Variants in DAB1 observed in about 807,000 individuals in gnomAD.
The protein encoded by DAB1 is DAB adaptor protein 1, also known as disabled homolog 1.
DAB1 carries 15 observed loss-of-function variants against 64.6 expected under a neutral mutation model. The ratio of observed to expected loss-of-function variants is 0.23; its 90% CI spans 0.16 to 0.36. The LOEUF is 0.36. Among genes scored for constraint, DAB1 ranks in the 10% least tolerant of loss-of-function variants. The probability of loss-of-function intolerance (pLI) is 1.00; values close to 1 mark genes in which losing one functional copy is unlikely to be tolerated. For missense variants in DAB1, 596 were observed against 706.7 expected (o/e 0.84, Z 1.78); for synonymous variants, 235 against 251.9 (o/e 0.93, Z 0.64).
chr1:57,633,139 T>A (rs983845952), intron 7 of DAB1, among the ~76,000 whole-genome samples: 2 of 152,222 alleles, frequency 1.3e-5, no homozygotes, highest in Non-Finnish European at 2.9e-5. Context: ...GAGCTCTCTG[T>A]CACTTTAGTT....
At chr1:58,480,274 T>A (rs964000115) in intron 3 of DAB1, among the ~76,000 whole-genome samples, 1 of 152,164 alleles carries the variant, frequency 6.6e-6, no homozygotes, top group South Asian at 2.1e-4. Flanking sequence ...GAACCCGAGA[T>A]TCCCAAATGG....
chr1:58,224,563 G>A (rs1162802070), intron 4 of DAB1, among the ~76,000 whole-genome samples: 2 of 152,076 alleles, frequency 1.3e-5, no homozygotes, highest in African/African-American at 2.4e-5. Flanking sequence ...GTAGACTAGT[G>A]GGGACACCAA....
chr1:58,214,676 C>A (rs1658746174), intron 4 of DAB1, among the ~76,000 whole-genome samples: 1 of 152,192 alleles, frequency 6.6e-6, no homozygotes, highest in South Asian at 2.1e-4. Flanking sequence ...CCTCTCAATT[C>A]TTGTTTACAA....
chr1:57,826,701 C>A (rs1279468056), intron 1 of DAB1, among the ~76,000 whole-genome samples: 1 of 152,154 alleles, frequency 6.6e-6, no homozygotes, highest in Non-Finnish European at 1.5e-5. Flanking sequence ...CATTCTGCAG[C>A]CAGCAAGAGA....
intron 5 of DAB1, among the ~76,000 whole-genome samples, chr1:58,106,633 C>T (rs1324455958): frequency 6.6e-6 from 1 of 152,202 alleles, no homozygotes; most frequent in African/African-American, 2.4e-5. Context: ...GAAATTGTGG[C>T]TTTATGACTT....
chr1:57,079,165 G>C (rs536936408), intron 4 of DAB1, among the ~76,000 whole-genome samples: 2 of 152,278 alleles, frequency 1.3e-5, no homozygotes, highest in South Asian at 2.1e-4. Flanking sequence ...TCTCTCTTGA[G>C]TGGTGGAATT....
intron 14 of DAB1, among the ~76,000 whole-genome samples, chr1:57,000,830 T>C (rs1265652510): frequency 6.6e-6 from 1 of 152,234 alleles, no homozygotes; most frequent in Admixed American, 6.5e-5. Context: ...TTTTGGAAAC[T>C]AATTTATCCA....
rs1223543282 is a variant in DAB1, at chr1:58,263,284, G to A, written n.309+80068C>T. ...GTTTTAATAGTAATTGATGATAGCC[G>A]ACATTTATTGAATCATTACTACAAG... is the stretch of plus-strand genomic sequence containing the variant. On this transcript the variant is annotated intron_variant and non_coding_transcript_variant, in intron 4 of 20. Coordinates refer to the DAB1 transcript ENST00000485760. 3.3e-5 allele frequency among the ~76,000 whole-genome samples: 5 copies of A among 152,120 alleles called. No homozygotes were observed. The East Asian group carries it at 7.7e-4, about 23-fold the overall frequency.
At chr1:58,335,640 T>C (rs901228837) in intron 4 of DAB1, among the ~76,000 whole-genome samples, 7 of 150,742 alleles carry the variant, frequency 4.6e-5, no homozygotes, top group Non-Finnish European at 7.4e-5. Flanking sequence ...ATGCAAGGGA[T>C]TGGTGTTTGG....
At chr1:58,043,466 C>T (rs1300380808) in intron 5 of DAB1, among the ~76,000 whole-genome samples, 1 of 152,138 alleles carries the variant, frequency 6.6e-6, no homozygotes, top group Admixed American at 6.5e-5. Flanking sequence ...GATACCTTTA[C>T]CTCTTCTATT....
Position 57,917,063 on chromosome 1 carries a change from A to G in DAB1, n.388-32901T>C, listed in dbSNP as rs112408328. 3.7e-4 allele frequency among the ~76,000 whole-genome samples: 56 copies of G among 152,178 alleles called. 3 individuals carry two copies. Among genetic ancestry groups the G allele is most frequent in the African/African-American group, 1.2e-3 (51 of 41,524 alleles). ...TCCCATGTGAACATTTCTAACCACTATGTTCTCCTGCCTCCTAGTTGTACC... is the reference window on the plus strand; with the variant it reads ...TCCCATGTGAACATTTCTAACCACTGTGTTCTCCTGCCTCCTAGTTGTACC... On this transcript the variant is annotated intron_variant and non_coding_transcript_variant, in intron 5 of 20. Coordinates refer to the DAB1 transcript ENST00000485760.
chr1:57,183,626 T>C (rs1663218573), intron 2 of DAB1, among the ~76,000 whole-genome samples: 2 of 152,160 alleles, frequency 1.3e-5, no homozygotes, highest in Admixed American at 6.5e-5. Context: ...CCCAAGATGA[T>C]ACTTTCAAAC....
At chr1:57,754,414 G>A (rs1391694933) in intron 6 of DAB1, among the ~76,000 whole-genome samples, 2 of 151,748 alleles carry the variant, frequency 1.3e-5, no homozygotes, top group African/African-American at 2.4e-5. Context: ...GGCTGGGCAC[G>A]GTGGCTCATG....
chr1:58,260,043 C>T (rs1321580218), intron 4 of DAB1, among the ~76,000 whole-genome samples: 1 of 152,100 alleles, frequency 6.6e-6, no homozygotes, highest in Non-Finnish European at 1.5e-5. Context: ...TGAGAACCCT[C>T]AGCTGGTAAG....
At chr1:57,906,248 C>T (rs1181313668) in intron 5 of DAB1, among the ~76,000 whole-genome samples, 1 of 152,130 alleles carries the variant, frequency 6.6e-6, no homozygotes, top group East Asian at 1.9e-4. Flanking sequence ...CCATAATGAA[C>T]CAATACCTAT....
At chr1:58,225,125 AAC>A (rs1659394695) in intron 4 of DAB1, among the ~76,000 whole-genome samples, 1 of 151,734 alleles carries the variant, frequency 6.6e-6, no homozygotes, top group Non-Finnish European at 1.5e-5. Flanking sequence ...GAAAAAAACA[AAC>A]AACCCCATCA....
intron 4 of DAB1, among the ~76,000 whole-genome samples, chr1:58,224,521 T>C (rs1659354847): frequency 6.6e-6 from 1 of 152,098 alleles, no homozygotes; most frequent in African/African-American, 2.4e-5. Context: ...ATTGAGAAAA[T>C]ATAGGCAACT....
intron 1 of DAB1, among the ~76,000 whole-genome samples, chr1:57,855,052 T>C (rs147203170): frequency 6.6e-6 from 1 of 152,314 alleles, no homozygotes; most frequent in Non-Finnish European, 1.5e-5. Context: ...GACAGTGTAT[T>C]TCAGAATGAA....
At chr1:58,252,810 T>C (rs1468256715) in intron 4 of DAB1, among the ~76,000 whole-genome samples, 1 of 152,140 alleles carries the variant, frequency 6.6e-6, no homozygotes, top group African/African-American at 2.4e-5. Context: ...CCAACCCTAA[T>C]GGTGTTGCCT....
Sources: allele counts gnomAD v4.1 joint callset (sites outside exome capture counted in the v4.1 genomes callset), GRCh38; gene constraint gnomAD v4.1.1; transcripts MANE v1.5; gene names NCBI Gene and HGNC (gene_info 2026-07-23, HGNC 2026-07-21).